Variants in ST8SIA6 observed in about 807,000 individuals in gnomAD.
ST8SIA6 encodes alpha-2,8-sialyltransferase 8F.
In ST8SIA6, 39 loss-of-function variants were observed where a neutral mutation model predicts 33.6. The ratio of observed to expected loss-of-function variants is 1.16; its 90% confidence interval spans 0.90 to 1.52. The LOEUF is 1.52. ST8SIA6 is among the 40% of genes most tolerant of loss of function. The pLI is 0.00. For missense variants in ST8SIA6, 441 were observed against 443.8 expected (o/e 0.99, Z 0.06); for synonymous variants, 172 against 167.2 (o/e 1.03, Z -0.22).
chr10:17,335,420 A>T (rs768423837), intron 4 of ST8SIA6, among the ~76,000 whole-genome samples: 14 of 152,246 alleles, frequency 9.2e-5, no homozygotes, highest in Non-Finnish European at 1.6e-4. Flanking sequence ...TAATTTGTCA[A>T]GGTCATCTAA....
intron 4 of ST8SIA6, among the ~76,000 whole-genome samples, chr10:17,358,729 G>C (rs1340333103): frequency 7.8e-6 from 1 of 127,582 alleles, no homozygotes; most frequent in Non-Finnish European, 1.7e-5. Flanking sequence ...AAGAAGAAGA[G>C]GAAGAGGAAA....
At chr10:17,354,995 A>C (rs1364437035) in intron 4 of ST8SIA6, among the ~76,000 whole-genome samples, 1 of 152,178 alleles carries the variant, frequency 6.6e-6, no homozygotes, top group Non-Finnish European at 1.5e-5. Flanking sequence ...TCAGACCCAC[A>C]ATTAAGTGCT....
At chr10:17,378,985 G>A (rs1850020239) in intron 3 of ST8SIA6, among the ~76,000 whole-genome samples, 1 of 152,042 alleles carries the variant, frequency 6.6e-6, no homozygotes, top group South Asian at 2.1e-4. Context: ...AATTAGCTGG[G>A]CGTGGTGGCA....
chr10:17,341,900 C>CAAAAAAAAAAAAAAAAAAAAAA (rs71393004), intron 4 of ST8SIA6, among the ~76,000 whole-genome samples: 1 of 73,162 alleles, frequency 1.4e-5, no homozygotes, highest in African/African-American at 5.7e-5. Context: ...GGCTCCATCT[C>CAAAAAAAAAAAAAAAAAAAAAA]AAAAAAAAAA....
At chr10:17,385,384 C>CGGT (rs1285474097) in intron 3 of ST8SIA6, among the ~76,000 whole-genome samples, 2 of 152,156 alleles carry the variant, frequency 1.3e-5, no homozygotes, top group Non-Finnish European at 2.9e-5. Context: ...GATGTTGTCA[C>CGGT]GGTGTCTGTG....
intron 6 of ST8SIA6, among the ~76,000 whole-genome samples, chr10:17,325,240 G>GTATACAATATACTATATTATATAC (rs1848090632): frequency 4.2e-5 from 6 of 141,660 alleles, no homozygotes; most frequent in Admixed American, 2.9e-4. Flanking sequence ...ATATTATATA[G>GTATACAATATACTATATTATATAC]TATACAATAT....
chr10:17,418,271 G>A (rs1017325133), intron 2 of ST8SIA6, among the ~76,000 whole-genome samples: 7 of 151,808 alleles, frequency 4.6e-5, no homozygotes, highest in Admixed American at 2.0e-4. Context: ...GCTTTGTTCC[G>A]GCTGGTCTCA....
intron 3 of ST8SIA6, among the ~76,000 whole-genome samples, chr10:17,360,947 A>G (rs79035157): frequency 0.013 from 2,035 of 151,738 alleles, 39 homozygotes; most frequent in African/African-American, 0.047. Context: ...AGGAAGAAGA[A>G]GAAGAAGGAG....
intron 4 of ST8SIA6, 70 bp from the exon 5 acceptor site, chr10:17,331,622 G>A (rs1188745523): frequency 1.4e-6 from 2 of 1,445,594 alleles, no homozygotes; most frequent in African/African-American, 1.5e-5. Context: ...GACCACGATG[G>A]ACAATGCCGA....
intron 4 of ST8SIA6, among the ~76,000 whole-genome samples, chr10:17,359,121 A>G (rs188711558): frequency 5.3e-5 from 8 of 152,204 alleles, no homozygotes; most frequent in Non-Finnish European, 8.8e-5. Context: ...ACTGGTAGAA[A>G]ACAAAAGTTG....
intron 4 of ST8SIA6, among the ~76,000 whole-genome samples, chr10:17,356,389 C>CT (rs56763058): frequency 0.17 from 24,561 of 142,432 alleles, 2,383 homozygotes; most frequent in East Asian, 0.49. Context: ...CAGAGGTTTA[C>CT]TTTTTTTTTT....
intron 3 of ST8SIA6, among the ~76,000 whole-genome samples, chr10:17,365,309 A>G (rs1376766831): frequency 1.3e-5 from 2 of 152,250 alleles, no homozygotes; most frequent in Non-Finnish European, 2.9e-5. Flanking sequence ...ATCTCAATTA[A>G]GATATAAATA....
intron 4 of ST8SIA6, among the ~76,000 whole-genome samples, chr10:17,346,837 G>A (rs902399770): frequency 2.6e-5 from 4 of 152,138 alleles, no homozygotes; most frequent in African/African-American, 9.7e-5. Flanking sequence ...ATCTATCTAT[G>A]TATGTCTCTA....
intron 3 of ST8SIA6, among the ~76,000 whole-genome samples, chr10:17,365,257 C>T (rs893807793): frequency 8.5e-5 from 13 of 152,210 alleles, no homozygotes; most frequent in Admixed American, 3.9e-4. Context: ...TTTCTAGAAA[C>T]GTCTCTTTGA....
intron 2 of ST8SIA6, among the ~76,000 whole-genome samples, chr10:17,422,813 C>T (rs1244957410): frequency 6.6e-6 from 1 of 152,174 alleles, no homozygotes; most frequent in Non-Finnish European, 1.5e-5. Flanking sequence ...TAAAAGCCAA[C>T]TGAATTTTGC....
At chr10:17,390,010 T>G (rs1850527270) in intron 3 of ST8SIA6, among the ~76,000 whole-genome samples, 2 of 151,886 alleles carry the variant, frequency 1.3e-5, no homozygotes, top group Admixed American at 6.6e-5. Flanking sequence ...AGTTTTAGAG[T>G]CAGGGTCTTG....
At chr10:17,382,065 CT>C (rs1472581411) in intron 3 of ST8SIA6, among the ~76,000 whole-genome samples, 1 of 152,060 alleles carries the variant, frequency 6.6e-6, no homozygotes, top group Non-Finnish European at 1.5e-5. Flanking sequence ...GGTTTCATAA[CT>C]TTAAATCATG....
intron 3 of ST8SIA6, among the ~76,000 whole-genome samples, chr10:17,384,366 T>C (rs1261718309): frequency 6.6e-6 from 1 of 152,210 alleles, no homozygotes; most frequent in East Asian, 1.9e-4. Flanking sequence ...CAGAGTTCCA[T>C]CAAAGCCAAT....
chr10:17,429,174 A>C (rs1411427832), intron 2 of ST8SIA6, among the ~76,000 whole-genome samples: 1 of 151,714 alleles, frequency 6.6e-6, no homozygotes, highest in Non-Finnish European at 1.5e-5. Context: ...TACATCAATT[A>C]CCCTTACAAT....
Sources: allele counts gnomAD v4.1 joint callset (sites outside exome capture counted in the v4.1 genomes callset), GRCh38; gene constraint gnomAD v4.1.1; transcripts MANE v1.5; gene names NCBI Gene and HGNC (gene_info 2026-07-23, HGNC 2026-07-21).